The following SPRY3 variants were observed in gnomAD, a reference collection of about 807,000 sequenced individuals.
SPRY3 encodes the protein sprouty RTK signaling antagonist 3.
In SPRY3, 15 loss-of-function variants were observed where a neutral mutation model predicts 20.2. That is an observed-to-expected ratio of 0.74 (90% CI 0.50 to 1.14). The LOEUF is 1.14. Ranked by LOEUF, SPRY3 falls within the 50% of genes most tolerant of loss-of-function variation. SPRY3 has a pLI of 0.00. For missense variants in SPRY3, 364 were observed against 363.9 expected (o/e 1.00, Z 0.00); for synonymous variants, 143 against 136.5 (o/e 1.05, Z -0.33).
At chrX:155,773,316 A>T (rs1029216128) in intron 3 of SPRY3, among the ~76,000 whole-genome samples, 1 of 141,596 alleles carries the variant, frequency 7.1e-6, no homozygotes, top group African/African-American at 2.7e-5. Context: ...GGATATATAT[A>T]TATATATATA....
At chrX:155,773,307 G>GCTATAT (rs4013148) in intron 3 of SPRY3, among the ~76,000 whole-genome samples, 1 of 120,740 alleles carries the variant, frequency 8.3e-6, no homozygotes, top group Admixed American at 8.6e-5. Flanking sequence ...ATTTTGATTG[G>GCTATAT]ATATATATAT....
At chrX:155,766,274 T>C (rs1378022172) in intron 2 of SPRY3, among the ~76,000 whole-genome samples, 1 of 152,154 alleles carries the variant, frequency 6.6e-6, no homozygotes, top group Admixed American at 6.5e-5. Flanking sequence ...ATTATTTCTT[T>C]TGTCTTCTTA....
intron 2 of SPRY3, among the ~76,000 whole-genome samples, chrX:155,662,833 T>C (rs782711446): frequency 9.0e-6 from 1 of 111,147 alleles, no homozygotes; most frequent in South Asian, 3.8e-4. Flanking sequence ...CGTGGAAAAG[T>C]GGAAGAAGTT....
chrX:155,767,746 G>GAGGACGAGAAAGAGGAGGAGT (rs2091348260), intron 2 of SPRY3: 1 of 142,314 alleles, frequency 7.0e-6, no homozygotes, highest in Non-Finnish European at 1.5e-5. Context: ...GAGAGAGGAG[G>GAGGACGAGAAAGAGGAGGAGT]AGGAGGAGAG....
At chrX:155,650,809 A>G (rs1044792894) in intron 1 of SPRY3, among the ~76,000 whole-genome samples, 2 of 111,812 alleles carry the variant, frequency 1.8e-5, no homozygotes, top group African/African-American at 6.5e-5. Context: ...AAAACTGAGC[A>G]CTATGAAGAT....
intron 2 of SPRY3, among the ~76,000 whole-genome samples, chrX:155,692,814 CAT>C (rs1204843846): frequency 9.0e-6 from 1 of 111,621 alleles, no homozygotes; most frequent in African/African-American, 3.2e-5. Flanking sequence ...AATATTCTAA[CAT>C]AAAATCGTTC....
chrX:155,706,548 C>A (rs1267390870), intron 2 of SPRY3, among the ~76,000 whole-genome samples: 2 of 149,956 alleles, frequency 1.3e-5, no homozygotes, highest in Admixed American at 6.7e-5. Flanking sequence ...ATCAATGGAA[C>A]AAAAGTTGCC....
chrX:155,617,463 C>A (rs1411817477), intron 1 of SPRY3, among the ~76,000 whole-genome samples: 1 of 111,400 alleles, frequency 9.0e-6, no homozygotes, highest in African/African-American at 3.3e-5. Context: ...AAGAGAAACT[C>A]ACAAATCAAG....
intron 2 of SPRY3, among the ~76,000 whole-genome samples, chrX:155,671,984 G>C (rs2068042224): frequency 2.7e-5 from 3 of 110,815 alleles, no homozygotes; most frequent in South Asian, 7.7e-4. Context: ...TCTGAGGGCT[G>C]TGTTCTGTTC....
In SPRY3 at chrX:155,700,557, AC is replaced by A. The variant is rs758688110; in HGVS notation, c.-282+43533del. Among the ~76,000 whole-genome samples the A allele has an allele frequency of 4.3e-3, 449 of 103,561 alleles. 5 individuals are homozygous for A. The highest frequency in any genetic ancestry group is 0.016 in the African/African-American group (431 of 26,641). The allele number at this position is 103,561 out of a possible 115,157, so 89.9% of individuals were successfully genotyped here. A position where few individuals can be genotyped will look rare whatever the true frequency, so the allele number is the denominator to read the frequency against. ...AGTCTATCAACAGAAGAATGGATAA[AC>A]AAAATGTGGCATATACACACAATGG... On this transcript the variant is annotated intron_variant, in intron 2 of 3. Coordinates refer to ENST00000675360, the Ensembl canonical transcript of SPRY3.
intron 2 of SPRY3, among the ~76,000 whole-genome samples, chrX:155,763,926 AG>A (rs910499876): frequency 1.3e-3 from 194 of 152,328 alleles, no homozygotes; most frequent in African/African-American, 4.6e-3. Context: ...GTTACTACAA[AG>A]CATGGAAAGG....
At chrX:155,675,867 G>A (rs936156599) in intron 2 of SPRY3, among the ~76,000 whole-genome samples, 1 of 111,294 alleles carries the variant, frequency 9.0e-6, no homozygotes, top group African/African-American at 3.3e-5. Context: ...ATCCTTTGTC[G>A]TATCAAAAAT....
At position 155,773,776 on chromosome X, in the gene SPRY3, T is replaced by C. The variant is rs187857337; in HGVS notation, c.-96T>C. On this transcript the variant is annotated 5_prime_UTR_variant, in exon 4 of 4. An upstream start codon of the reference 5' UTR is lost. Coordinates refer to ENST00000675360, the Ensembl canonical transcript of SPRY3. Reference sequence around the variant, plus strand: ...TGCCTTCTCTCCTAGGATTTTCTCATGTGCCCTGAAATCCATGTAACTACA... The same window carrying C: ...TGCCTTCTCTCCTAGGATTTTCTCACGTGCCCTGAAATCCATGTAACTACA... 1.2e-5 allele frequency: 17 copies of C among 1,396,578 alleles called. No homozygotes were observed. The African/African-American group carries it at 2.2e-4, about 18-fold the overall frequency. 86.5% of individuals were successfully genotyped at this position (1,396,578 alleles called of 1,614,324 possible).
intron 2 of SPRY3, among the ~76,000 whole-genome samples, chrX:155,721,394 T>C (rs1234933743): frequency 6.6e-6 from 1 of 152,044 alleles, no homozygotes; most frequent in Non-Finnish European, 1.5e-5. Flanking sequence ...TTCAAAGGGA[T>C]AGTAACAGAG....
chrX:155,758,128 G>A (rs3930137), intron 2 of SPRY3, among the ~76,000 whole-genome samples: 37,146 of 151,998 alleles, frequency 0.24, 5,242 homozygotes, highest in African/African-American at 0.38. Flanking sequence ...ATGAGAGGAT[G>A]AAACGATTCA....
intron 2 of SPRY3, among the ~76,000 whole-genome samples, chrX:155,765,465 A>G (rs889994834): frequency 1.3e-5 from 2 of 152,224 alleles, no homozygotes; most frequent in Non-Finnish European, 2.9e-5. Flanking sequence ...AACATGTAAA[A>G]TTCATAGAAC....
intron 2 of SPRY3, among the ~76,000 whole-genome samples, chrX:155,737,798 T>C (rs1470379084): frequency 2.0e-5 from 3 of 152,082 alleles, no homozygotes; most frequent in Non-Finnish European, 4.4e-5. Context: ...CTGAGGTAAG[T>C]GAGGAGGTGT....
intron 2 of SPRY3, among the ~76,000 whole-genome samples, chrX:155,682,427 C>G (rs1259365362): frequency 8.9e-6 from 1 of 112,856 alleles, no homozygotes; most frequent in African/African-American, 3.2e-5. Flanking sequence ...AGCACAACAA[C>G]CATTCTGTGG....
intron 2 of SPRY3, among the ~76,000 whole-genome samples, chrX:155,712,753 T>G (rs1348109465): frequency 1.3e-5 from 2 of 151,994 alleles, no homozygotes; most frequent in Non-Finnish European, 1.5e-5. Flanking sequence ...TGTGATCTCT[T>G]CCTTCTTTCA....
Sources: allele counts gnomAD v4.1 joint callset (sites outside exome capture counted in the v4.1 genomes callset), GRCh38; gene constraint gnomAD v4.1.1; transcripts MANE v1.5; gene names NCBI Gene and HGNC (gene_info 2026-07-23, HGNC 2026-07-21).